Variants in PPP2CA observed in about 807,000 individuals in gnomAD.
PPP2CA encodes protein phosphatase 2 catalytic subunit alpha.
In PPP2CA, 5 loss-of-function variants were observed where a neutral mutation model predicts 38.8. The ratio of observed to expected loss-of-function variants is 0.13; its 90% CI spans 0.07 to 0.27. PPP2CA has a LOEUF of 0.27. PPP2CA is among the 10% of genes least tolerant of loss of function. The pLI is 1.00. For missense variants in PPP2CA, 88 were observed against 389.7 expected, an observed-to-expected ratio of 0.23 and a Z score of 6.52; for synonymous variants, 152 against 134.0, an observed-to-expected ratio of 1.13 and a Z score of -0.93.
At chr5:134,207,378 C>G (rs1418978470) in intron 1 of PPP2CA, among the ~76,000 whole-genome samples, 1 of 152,188 alleles carries the variant, frequency 6.6e-6, no homozygotes, top group Non-Finnish European at 1.5e-5. Context: ...GCACTCCAGC[C>G]TGGGTGACAG....
At chr5:134,211,159 C>T (rs1337358824) in intron 1 of PPP2CA, among the ~76,000 whole-genome samples, 3 of 151,892 alleles carry the variant, frequency 2.0e-5, no homozygotes, top group South Asian at 2.1e-4. Context: ...GGCACCATCA[C>T]GGCTCACTGC....
chr5:134,210,602 G>GGGA (rs1762182401), intron 1 of PPP2CA, among the ~76,000 whole-genome samples: 1 of 152,202 alleles, frequency 6.6e-6, no homozygotes, highest in African/African-American at 2.4e-5. Flanking sequence ...CCAGCACTTT[G>GGGA]GGAGGCCAAG....
At chr5:134,216,828 A>G (rs1327753039) in intron 1 of PPP2CA, among the ~76,000 whole-genome samples, 1 of 152,146 alleles carries the variant, frequency 6.6e-6, no homozygotes, top group African/African-American at 2.4e-5. Flanking sequence ...TGTATCATCA[A>G]TTCTGCCCTT....
At chr5:134,223,601 G>T (rs190261174) in intron 1 of PPP2CA, among the ~76,000 whole-genome samples, 50 of 152,258 alleles carry the variant, frequency 3.3e-4, no homozygotes, top group Admixed American at 1.4e-3. Context: ...GCAAGCAATG[G>T]AGATTTACCT....
In PPP2CA at chr5:134,196,858, G is replaced by A. The variant is rs983777856; in HGVS notation, c.*914C>T. The A allele has an allele frequency of 7.2e-5, 11 of 152,488 alleles. No homozygotes were observed. 9.4% of individuals were successfully genotyped at this position (152,488 alleles called of 1,614,324 possible). A position where few individuals can be genotyped will look rare whatever the true frequency, so the allele number is the denominator to read the frequency against. ...TTTCTTACAAACAAGTTAATATGCAGGAAGAACCCACAAAGTGCACACCAA... is the reference window on the plus strand; with the variant it reads ...TTTCTTACAAACAAGTTAATATGCAAGAAGAACCCACAAAGTGCACACCAA... On this transcript the variant is annotated 3_prime_UTR_variant, in exon 7 of 7. Coordinates refer to ENST00000481195, the MANE Select transcript of PPP2CA (RefSeq NM_002715.4).
intron 1 of PPP2CA, among the ~76,000 whole-genome samples, chr5:134,216,818 T>C (rs909728673): frequency 3.3e-5 from 5 of 152,182 alleles, no homozygotes; most frequent in African/African-American, 9.6e-5. Context: ...ATCAAGTTTC[T>C]GTATCATCAA....
chr5:134,199,839 T>C (rs1761936937), intron 5 of PPP2CA, among the ~76,000 whole-genome samples: 1 of 152,240 alleles, frequency 6.6e-6, no homozygotes, highest in African/African-American at 2.4e-5. Context: ...CACAGAGTTG[T>C]ACTAGTATTA....
chr5:134,195,032 T>C lies in PPP2CA; in HGVS notation c.*2740A>G, dbSNP rs1761819341. 6.6e-6 allele frequency: 1 copy of C among 152,160 alleles called. No individual in the cohort carries two copies. The highest frequency in any genetic ancestry group is 6.5e-5 in the Admixed American group (1 of 15,280). The allele number at this position is 152,160 out of a possible 1,614,324, so 9.4% of individuals were successfully genotyped here. ...CAAAGCTGAGAACCACAGAAATAAC[T>C]ATCCTTTTCCTGAGCTAAGTCCTTC... On this transcript the variant is annotated 3_prime_UTR_variant, in exon 7 of 7. Transcript: ENST00000481195.
At chr5:134,211,753 G>A (rs1289056696) in intron 1 of PPP2CA, among the ~76,000 whole-genome samples, 1 of 151,668 alleles carries the variant, frequency 6.6e-6, no homozygotes, top group East Asian at 1.9e-4. Flanking sequence ...TGGGATTACA[G>A]GCATAAGCCA....
intron 1 of PPP2CA, among the ~76,000 whole-genome samples, chr5:134,211,098 T>A (rs1404710210): frequency 1.3e-5 from 2 of 151,522 alleles, no homozygotes; most frequent in African/African-American, 4.9e-5. Context: ...CTTTTTAAAA[T>A]CTTTTTTTTT....
intron 1 of PPP2CA, among the ~76,000 whole-genome samples, chr5:134,216,087 A>C (rs1424494391): frequency 1.3e-5 from 2 of 152,238 alleles, no homozygotes; most frequent in Non-Finnish European, 2.9e-5. Context: ...AAAAACAGTT[A>C]ATCACATAAC....
chr5:134,197,847 GA>G lies in PPP2CA; in HGVS notation c.858-4del. On this transcript the variant is annotated splice_region_variant and splice_polypyrimidine_tract_variant and intron_variant, in intron 6 of 6. Coordinates refer to ENST00000481195, the MANE Select transcript of PPP2CA (RefSeq NM_002715.4). ...GAGGTGCTGGGTCAAACTGCAAGCTGAAAAACAAGACCGATTCATGGTTTAT... is the reference window on the plus strand; with the variant it reads ...GAGGTGCTGGGTCAAACTGCAAGCTGAAAACAAGACCGATTCATGGTTTAT... 6.2e-7 allele frequency: 1 copy of G among 1,613,746 alleles called. No homozygotes were observed. The highest frequency in any genetic ancestry group is 2.2e-5 in the East Asian group (1 of 44,884).
intron 1 of PPP2CA, among the ~76,000 whole-genome samples, chr5:134,213,053 C>T (rs956954134): frequency 1.3e-5 from 2 of 152,156 alleles, no homozygotes; most frequent in Non-Finnish European, 2.9e-5. Flanking sequence ...GACGATCTAC[C>T]TAAGATAAGT....
At chr5:134,212,465 T>C (rs1762223180) in intron 1 of PPP2CA, among the ~76,000 whole-genome samples, 1 of 152,202 alleles carries the variant, frequency 6.6e-6, no homozygotes, top group Non-Finnish European at 1.5e-5. Flanking sequence ...TATATATTCT[T>C]ACTGCTGCTG....
At position 134,194,431 on chromosome 5, in the gene PPP2CA, T is replaced by C. The variant is rs981236058; in HGVS notation, c.*3341A>G. On this transcript the variant is annotated 3_prime_UTR_variant, in exon 7 of 7. Coordinates refer to ENST00000481195, the MANE Select transcript of PPP2CA (RefSeq NM_002715.4). ...ATTACCAAACTATAGGTTACTAAAC[T>C]ATAGGCCCATTTCTAAGAACACATT... 6.6e-6 allele frequency: 1 copy of C among 152,184 alleles called. No homozygotes were observed. The highest frequency in any genetic ancestry group is 1.5e-5 in the Non-Finnish European group (1 of 68,038). The allele number at this position is 152,184 out of a possible 1,614,324, so 9.4% of individuals were successfully genotyped here.
At chr5:134,225,578 T>G (rs1580655708) in intron 1 of PPP2CA, 182 bp downstream of exon 1, 2 of 515,820 alleles carry the variant, frequency 3.9e-6, no homozygotes, top group Admixed American at 8.0e-5. Context: ...AACCAATCCC[T>G]GCGCGGGAGG....
At chr5:134,206,434 C>T (rs1399402336) in intron 1 of PPP2CA, among the ~76,000 whole-genome samples, 2 of 152,218 alleles carry the variant, frequency 1.3e-5, no homozygotes, top group East Asian at 3.8e-4. Context: ...GAAAATCGAA[C>T]AGGACATTCA....
At position 134,198,853 on chromosome 5, in the gene PPP2CA, C is replaced by T. The variant is rs143463263; in HGVS notation, c.857+233G>A. On this transcript the variant is annotated intron_variant, in intron 6 of 6. Coordinates refer to ENST00000481195, the MANE Select transcript of PPP2CA (RefSeq NM_002715.4). ...CTGGGATTACAGGCATGAGCCACCGCGCCTGGCCCCCTTAAACTCTTAAAC... is the reference window on the plus strand; with the variant it reads ...CTGGGATTACAGGCATGAGCCACCGTGCCTGGCCCCCTTAAACTCTTAAAC... Among the ~76,000 whole-genome samples the T allele has an allele frequency of 3.3e-3, 496 of 152,296 alleles. 1 individual carries two copies. The highest frequency in any genetic ancestry group is 0.011 in the African/African-American group (450 of 41,560).
rs748101074 is a variant in PPP2CA, at chr5:134,200,943, TA to T, written c.576+41del. Reference sequence around the variant, plus strand: ...CTTACAATTAAACTTCTCCACTCCCTAATAAGTTTTCTGAAAGAATTTTATC... The same window carrying T: ...CTTACAATTAAACTTCTCCACTCCCTATAAGTTTTCTGAAAGAATTTTATC... On this transcript the variant is annotated intron_variant, in intron 4 of 6. Coordinates refer to ENST00000481195, the MANE Select transcript of PPP2CA (RefSeq NM_002715.4). The T allele has an allele frequency of 2.0e-6, 3 of 1,473,024 alleles. No homozygotes were observed. The African/African-American group carries it at 4.2e-5, about 21-fold the overall frequency. 91.2% of individuals were successfully genotyped at this position (1,473,024 alleles called of 1,614,324 possible). A position where few individuals can be genotyped will look rare whatever the true frequency, so the allele number is the denominator to read the frequency against.
Sources: allele counts gnomAD v4.1 joint callset (sites outside exome capture counted in the v4.1 genomes callset), GRCh38; gene constraint gnomAD v4.1.1; transcripts MANE v1.5; gene names NCBI Gene and HGNC (gene_info 2026-07-23, HGNC 2026-07-21).